The following HHAT variants were observed in gnomAD, a reference collection of about 807,000 sequenced individuals.
The protein encoded by HHAT is protein-cysteine N-palmitoyltransferase HHAT.
In HHAT, 47 loss-of-function variants were observed where a neutral mutation model predicts 70.8. That is an observed-to-expected ratio of 0.66 (90% CI 0.53 to 0.85). The LOEUF (loss-of-function observed/expected upper bound fraction) is 0.85, where lower values mean the gene tolerates loss of function less well. Among genes scored for constraint, HHAT ranks in the 40% least tolerant of loss-of-function variants. The pLI, the probability that HHAT is intolerant of heterozygous loss-of-function variation, is 0.00. For missense variants in HHAT, 609 were observed against 604.8 expected (o/e 1.01, Z -0.07); for synonymous variants, 228 against 247.6 (o/e 0.92, Z 0.74).
chr1:210,659,141 A>T (rs1031523199), intron 11 of HHAT, among the ~76,000 whole-genome samples: 6 of 152,238 alleles, frequency 3.9e-5, no homozygotes, highest in African/African-American at 1.2e-4. Context: ...AAATCAATGA[A>T]TCCAGGAGAT....
At chr1:210,395,765 C>G (rs2091746911) in intron 4 of HHAT, among the ~76,000 whole-genome samples, 1 of 152,174 alleles carries the variant, frequency 6.6e-6, no homozygotes, top group South Asian at 2.1e-4. Flanking sequence ...CCAAAGTCCA[C>G]ATTTTACTGC....
intron 11 of HHAT, among the ~76,000 whole-genome samples, chr1:210,629,262 T>C (rs188152859): frequency 6.6e-6 from 1 of 152,248 alleles, no homozygotes; most frequent in African/African-American, 2.4e-5. Context: ...TTCCTACAAG[T>C]AATTCCAGCC....
chr1:210,615,428 T>G (rs931666934), intron 10 of HHAT, among the ~76,000 whole-genome samples: 1 of 152,252 alleles, frequency 6.6e-6, no homozygotes, highest in Non-Finnish European at 1.5e-5. Flanking sequence ...GAAGCCTTCT[T>G]CTCTCAACTC....
intron 7 of HHAT, among the ~76,000 whole-genome samples, chr1:210,461,595 C>T (rs965839398): frequency 3.3e-5 from 5 of 151,874 alleles, no homozygotes; most frequent in African/African-American, 1.2e-4. Flanking sequence ...AGCCACCGTG[C>T]CTGGCTGAGC....
intron 8 of HHAT, 77 bp downstream of exon 8, chr1:210,464,732 C>T (rs1032698596): frequency 1.6e-5 from 23 of 1,477,492 alleles, no homozygotes; most frequent in Admixed American, 3.6e-5. Flanking sequence ...TCAAAGGGTT[C>T]GGGCTACTAT....
At chr1:210,537,038 A>C (rs1468786930) in intron 9 of HHAT, among the ~76,000 whole-genome samples, 1 of 152,174 alleles carries the variant, frequency 6.6e-6, no homozygotes, top group East Asian at 1.9e-4. Flanking sequence ...GTAAAAAAAA[A>C]AAGGTGGCTA....
intron 10 of HHAT, among the ~76,000 whole-genome samples, chr1:210,618,383 A>T (rs1456059217): frequency 6.6e-6 from 1 of 151,790 alleles, no homozygotes; most frequent in Non-Finnish European, 1.5e-5. Flanking sequence ...TGCCTTTTTC[A>T]TCCTCTCTTA....
At chr1:210,467,341 C>A (rs908381991) in intron 8 of HHAT, among the ~76,000 whole-genome samples, 1 of 152,152 alleles carries the variant, frequency 6.6e-6, no homozygotes, top group Admixed American at 6.5e-5. Context: ...TTTGCAGATG[C>A]TCCTTTACTA....
At chr1:210,551,209 T>C (rs2095524813) in intron 9 of HHAT, among the ~76,000 whole-genome samples, 3 of 148,646 alleles carry the variant, frequency 2.0e-5, no homozygotes, top group Non-Finnish European at 4.4e-5. Flanking sequence ...TCGACCGAAT[T>C]AAAGTGCCTT....
At chr1:210,561,154 AC>A (rs1345413654) in intron 9 of HHAT, among the ~76,000 whole-genome samples, 3 of 152,258 alleles carry the variant, frequency 2.0e-5, no homozygotes, top group Middle Eastern at 3.4e-3. Context: ...ACTGGCCTGT[AC>A]CCTTGACCTT....
At chr1:210,475,025 G>T (rs201151496) in intron 8 of HHAT, among the ~76,000 whole-genome samples, 5 of 149,892 alleles carry the variant, frequency 3.3e-5, no homozygotes, top group South Asian at 4.2e-4. Context: ...TATTTTTTTT[G>T]TTTTTTTTTA....
At chr1:210,632,757 T>A (rs768656657) in intron 11 of HHAT, among the ~76,000 whole-genome samples, 6 of 152,220 alleles carry the variant, frequency 3.9e-5, no homozygotes, top group Non-Finnish European at 7.3e-5. Context: ...CTAAATAACT[T>A]CTTCTTACTT....
chr1:210,671,775 GT>G (rs1680135620), intron 11 of HHAT, among the ~76,000 whole-genome samples: 2 of 152,366 alleles, frequency 1.3e-5, no homozygotes, highest in South Asian at 2.1e-4. Flanking sequence ...ACTAAGTTTG[GT>G]AAGTTGTTAT....
chr1:210,360,304 G>GTTTTTTTTTTT (rs398053777), intron 2 of HHAT, among the ~76,000 whole-genome samples: 4 of 138,174 alleles, frequency 2.9e-5, no homozygotes, highest in African/African-American at 1.0e-4. Flanking sequence ...TTGTTTTTGT[G>GTTTTTTTTTTT]TTTTTTTTTT....
intron 7 of HHAT, among the ~76,000 whole-genome samples, chr1:210,422,542 A>C (rs1377576522): frequency 2.6e-5 from 4 of 152,214 alleles, no homozygotes; most frequent in African/African-American, 9.7e-5. Flanking sequence ...ACTTAACAGA[A>C]TGTACCCCAG....
chr1:210,604,245 ATT>A (rs11446633), intron 10 of HHAT, among the ~76,000 whole-genome samples: 4 of 141,576 alleles, frequency 2.8e-5, no homozygotes, highest in African/African-American at 1.0e-4. Flanking sequence ...AAGCCCAGCT[ATT>A]TTTTTTTTTT....
intron 10 of HHAT, among the ~76,000 whole-genome samples, chr1:210,612,948 G>T (rs1343119861): frequency 6.6e-6 from 1 of 151,944 alleles, no homozygotes; most frequent in Non-Finnish European, 1.5e-5. Context: ...CAAATTCTTT[G>T]TCCATTTTTA....
chr1:210,605,024 A>G (rs1665096299), intron 10 of HHAT, among the ~76,000 whole-genome samples: 1 of 151,866 alleles, frequency 6.6e-6, no homozygotes, highest in South Asian at 2.1e-4. Flanking sequence ...AACAACAACA[A>G]CAACAACAAC....
chr1:210,518,115 A>G (rs1256219788), intron 9 of HHAT, among the ~76,000 whole-genome samples: 1 of 150,142 alleles, frequency 6.7e-6, no homozygotes, highest in East Asian at 1.9e-4. Flanking sequence ...CCTCTCTTCT[A>G]ACTATTTGGT....
Sources: gnomAD v4.1 joint callset for allele counts (sites outside exome capture counted in the v4.1 genomes callset) on GRCh38, gnomAD v4.1.1 for gene constraint, MANE v1.5 for transcripts, NCBI Gene and HGNC (gene_info 2026-07-23, HGNC 2026-07-21) for gene names.